Variants in VWA5B1 observed in about 807,000 individuals in gnomAD.
VWA5B1 encodes von Willebrand factor A domain-containing protein 5B1.
A neutral mutation model predicts 118.2 loss-of-function variants in VWA5B1; 115 were observed. The ratio of observed to expected loss-of-function variants is 0.97; its 90% CI spans 0.84 to 1.14. The LOEUF is 1.14. Among genes scored for constraint, VWA5B1 ranks in the 50% most tolerant of loss-of-function variants. The pLI, the probability that VWA5B1 is intolerant of heterozygous loss-of-function variation, is 0.00. For synonymous variants in VWA5B1, 682 were observed against 658.4 expected (o/e 1.04, Z -0.55); for missense variants, 1,596 against 1,603.8 (o/e 1.00, Z 0.08).
At chr1:20,326,465 TG>T (rs1222213138) in intron 8 of VWA5B1, among the ~76,000 whole-genome samples, 1 of 152,064 alleles carries the variant, frequency 6.6e-6, no homozygotes, top group Non-Finnish European at 1.5e-5. Flanking sequence ...GGGGTTTTTT[TG>T]TTTTGTTTTG....
intron 21 of VWA5B1, 82 bp from the exon 22 acceptor site, chr1:20,353,675 C>T: frequency 7.0e-7 from 1 of 1,424,664 alleles, no homozygotes; most frequent in Non-Finnish European, 9.2e-7. Flanking sequence ...GGGTGGGCAA[C>T]ATGGATCCAG....
At position 20,318,675 on chromosome 1, in the gene VWA5B1, C is replaced by T; in HGVS notation, c.795C>T (p.Asn265=). Residue 265 remains asparagine (N), a synonymous_variant, in exon 6 of 22, where the codon AAC becomes AAT. Coordinates refer to ENST00000289815, the MANE Select transcript of VWA5B1 (RefSeq NM_001039500.3). ...AGAGCATCATCATCACCTTGGCCAA[C>T]AAGCACACCTTTGACCGGCCTGTGG... ...SAKSIIITLA[N]KHTFDRPVEI... The T allele has an allele frequency of 6.5e-7, 1 of 1,545,864 alleles. No individual in the cohort carries two copies. The highest frequency in any genetic ancestry group is 1.4e-5 in the African/African-American group (1 of 73,102).
rs746884740 is a variant in VWA5B1 at position 20,355,652 on chromosome 1, C to T, written c.*1389C>T. On this transcript the variant is annotated 3_prime_UTR_variant, in exon 22 of 22. Coordinates refer to ENST00000289815, the MANE Select transcript of VWA5B1 (RefSeq NM_001039500.3). ...TATCAAACCAACTCGTGGGGTCCTGCGGGCTCTGGCGCAAGCCCCGGCCTC... is the reference window on the plus strand; with the variant it reads ...TATCAAACCAACTCGTGGGGTCCTGTGGGCTCTGGCGCAAGCCCCGGCCTC... Among the ~76,000 whole-genome samples, 7 of 152,348 alleles carry T rather than the reference C, an allele frequency of 4.6e-5. No homozygotes were observed. The highest frequency in any genetic ancestry group is 2.1e-4 in the South Asian group (1 of 4,834).
intron 5 of VWA5B1, 83 bp from the exon 6 acceptor site, chr1:20,318,507 C>T (rs1484395783): frequency 6.5e-7 from 1 of 1,535,756 alleles, no homozygotes; most frequent in Non-Finnish European, 8.8e-7. Context: ...CATCTCTGGC[C>T]TGGATCTCGG....
intron 11 of VWA5B1, among the ~76,000 whole-genome samples, chr1:20,331,474 T>C (rs1007052950): frequency 6.6e-6 from 1 of 152,192 alleles, no homozygotes; most frequent in Non-Finnish European, 1.5e-5. Flanking sequence ...AAGATGTTTA[T>C]TGGGGATAGT....
intron 5 of VWA5B1, 75 bp from the exon 6 acceptor site, chr1:20,318,515 C>T (rs543000385): frequency 1.0e-5 from 16 of 1,539,194 alleles, no homozygotes; most frequent in South Asian, 7.2e-5. Context: ...GCCTGGATCT[C>T]GGTGTGCCCC....
At chr1:20,327,662 T>A (rs1178908923) in intron 8 of VWA5B1, among the ~76,000 whole-genome samples, 3 of 150,436 alleles carry the variant, frequency 2.0e-5, no homozygotes, top group Non-Finnish European at 3.0e-5. Context: ...ATGATGATGA[T>A]GATGGTGGTG....
intron 7 of VWA5B1, among the ~76,000 whole-genome samples, chr1:20,320,984 C>G (rs2089192374): frequency 6.6e-6 from 1 of 151,960 alleles, no homozygotes; most frequent in Non-Finnish European, 1.5e-5. Flanking sequence ...TGGGTATCCA[C>G]AGGGTGAACA....
intron 10 of VWA5B1, 38 bp from the exon 11 acceptor site, chr1:20,330,831 G>T (rs2089529560): frequency 6.5e-7 from 1 of 1,535,222 alleles, no homozygotes; most frequent in East Asian, 2.4e-5. Context: ...ATGCAGAGAG[G>T]ATAAGACATA....
intron 12 of VWA5B1, among the ~76,000 whole-genome samples, chr1:20,333,190 C>T (rs997356803): frequency 1.3e-5 from 2 of 152,190 alleles, no homozygotes; most frequent in East Asian, 1.9e-4. Flanking sequence ...AGAGCCCCTG[C>T]AGTAGAACCA....
At chr1:20,324,253 G>A (rs535530413) in intron 8 of VWA5B1, among the ~76,000 whole-genome samples, 56 of 152,340 alleles carry the variant, frequency 3.7e-4, no homozygotes, top group Admixed American at 1.8e-3. Flanking sequence ...GCACAGGCCT[G>A]CTAGCCAATC....
intron 17 of VWA5B1, among the ~76,000 whole-genome samples, chr1:20,347,368 C>T (rs540959378): frequency 1.3e-5 from 2 of 152,224 alleles, no homozygotes; most frequent in South Asian, 2.1e-4. Flanking sequence ...TAAGGAAAAA[C>T]TTACAGACTA....
chr1:20,352,362 G>A (rs72982085), intron 21 of VWA5B1, among the ~76,000 whole-genome samples, 190 bp downstream of exon 21: 1 of 152,110 alleles, frequency 6.6e-6, no homozygotes, highest in Non-Finnish European at 1.5e-5. Flanking sequence ...GAGGGAGTTT[G>A]CATGAATCTC....
intron 1 of VWA5B1, among the ~76,000 whole-genome samples, chr1:20,308,774 C>T (rs529527269): frequency 5.3e-5 from 8 of 152,228 alleles, no homozygotes; most frequent in Non-Finnish European, 8.8e-5. Context: ...GCTGGCCTGG[C>T]GGGGTGCCGG....
At chr1:20,344,035 C>T (rs1026284007) in intron 16 of VWA5B1, among the ~76,000 whole-genome samples, 2 of 146,746 alleles carry the variant, frequency 1.4e-5, no homozygotes, top group African/African-American at 2.6e-5. Context: ...CAGGTGCCTC[C>T]CCTCATTCCC....
Position 20,310,599 on chromosome 1 carries a change from G to T in VWA5B1, c.-3G>T, listed in dbSNP as rs1283446119. On this transcript the variant is annotated 5_prime_UTR_variant, in exon 2 of 22. Transcript: ENST00000289815. ...AGGTTCTGAAGGCTGAGTAGCCAGC[G>T]GGATGCCCGGCTTGCTGAATTGGAT... is the stretch of plus-strand genomic sequence containing the variant. 4 of 1,532,370 alleles carry T rather than the reference G, an allele frequency of 2.6e-6. No homozygotes were observed. In the African/African-American group the frequency reaches 5.5e-5, roughly 21 times the overall value. 94.9% of individuals were successfully genotyped at this position (1,532,370 alleles called of 1,614,324 possible).
At chr1:20,333,261 A>G (rs1323436635) in intron 12 of VWA5B1, among the ~76,000 whole-genome samples, 2 of 152,208 alleles carry the variant, frequency 1.3e-5, no homozygotes, top group Non-Finnish European at 2.9e-5. Flanking sequence ...ATCACTTGAG[A>G]TCAGGAACTT....
At chr1:20,314,188 C>CT in intron 3 of VWA5B1, 134 bp from the exon 4 acceptor site, 1 of 926,954 alleles carries the variant, frequency 1.1e-6, no homozygotes, top group East Asian at 2.7e-5. Flanking sequence ...CTTACTTATT[C>CT]ACAAGTCACA....
chr1:20,302,103 G>T (rs144166131), intron 1 of VWA5B1, among the ~76,000 whole-genome samples: 1 of 152,050 alleles, frequency 6.6e-6, no homozygotes, highest in East Asian at 1.9e-4. Context: ...CCCAGACACC[G>T]TGGTGGCTTG....
Sources: allele counts gnomAD v4.1 joint callset (sites outside exome capture counted in the v4.1 genomes callset), GRCh38; gene constraint gnomAD v4.1.1; transcripts MANE v1.5; gene names NCBI Gene and HGNC (gene_info 2026-07-23, HGNC 2026-07-21).